The following DAB1 variants were observed in gnomAD, a reference collection of about 807,000 sequenced individuals.
DAB1 encodes DAB adaptor protein 1.
DAB1 carries 15 observed loss-of-function variants against 64.6 expected under a neutral mutation model. The ratio of observed to expected loss-of-function variants is 0.23; its 90% CI spans 0.16 to 0.36. The LOEUF is 0.36. Among genes scored for constraint, DAB1 ranks in the 10% least tolerant of loss-of-function variants. The pLI, the probability that DAB1 is intolerant of heterozygous loss-of-function variation, is 1.00. For synonymous variants in DAB1, 235 were observed against 251.9 expected, an observed-to-expected ratio of 0.93 and a Z score of 0.64; for missense variants, 596 against 706.7, an observed-to-expected ratio of 0.84 and a Z score of 1.78.
At chr1:57,091,194 G>T (rs1424474618) in intron 4 of DAB1, among the ~76,000 whole-genome samples, 1 of 152,080 alleles carries the variant, frequency 6.6e-6, no homozygotes, top group Non-Finnish European at 1.5e-5. Flanking sequence ...TGTTTTCCAT[G>T]AAACTGGTCT....
At chr1:57,967,512 C>T (rs1355307849) in intron 5 of DAB1, among the ~76,000 whole-genome samples, 1 of 152,078 alleles carries the variant, frequency 6.6e-6, no homozygotes, top group Non-Finnish European at 1.5e-5. Flanking sequence ...ACCCTTGTTC[C>T]TACGAAGCTC....
At chr1:57,431,246 G>A (rs1415950227) in intron 7 of DAB1, among the ~76,000 whole-genome samples, 1 of 151,150 alleles carries the variant, frequency 6.6e-6, no homozygotes, top group African/African-American at 2.5e-5. Flanking sequence ...AGAGAAGCAT[G>A]CATGAACAAA....
intron 7 of DAB1, among the ~76,000 whole-genome samples, chr1:57,528,069 G>T (rs116688872): frequency 0.012 from 1,881 of 152,190 alleles, 51 homozygotes; most frequent in African/African-American, 0.04. Flanking sequence ...ACAAAAAAAT[G>T]AGAATTCACA....
intron 4 of DAB1, among the ~76,000 whole-genome samples, chr1:58,201,053 G>C (rs894361085): frequency 6.7e-6 from 1 of 148,474 alleles, no homozygotes; most frequent in Non-Finnish European, 1.5e-5. Flanking sequence ...GTCTCGCTCT[G>C]TCGCCCAGGC....
intron 7 of DAB1, among the ~76,000 whole-genome samples, chr1:57,524,548 A>G (rs1448424924): frequency 6.6e-6 from 1 of 152,174 alleles, no homozygotes; most frequent in Non-Finnish European, 1.5e-5. Context: ...GGGATAGGCG[A>G]TGAAGTTAAG....
At chr1:57,578,686 G>A (rs1645278955) in intron 7 of DAB1, among the ~76,000 whole-genome samples, 1 of 152,168 alleles carries the variant, frequency 6.6e-6, no homozygotes. Flanking sequence ...ATGGGAGGAT[G>A]CATTAGAGAT....
chr1:58,448,634 C>G (rs1375663370), intron 3 of DAB1, among the ~76,000 whole-genome samples: 1 of 152,164 alleles, frequency 6.6e-6, no homozygotes, highest in Non-Finnish European at 1.5e-5. Flanking sequence ...AGGCTAGGAG[C>G]AGCAAGAGCC....
Position 57,975,972 on chromosome 1 carries a change from C to T in DAB1, n.388-91810G>A, listed in dbSNP as rs190386824. Reference sequence around the variant, plus strand: ...CTTCCAAGAACTATAGTGCTGTCAACATCGGAGACTTCTTTGCTCCAGTTG... The same window carrying T: ...CTTCCAAGAACTATAGTGCTGTCAATATCGGAGACTTCTTTGCTCCAGTTG... On this transcript the variant is annotated intron_variant and non_coding_transcript_variant, in intron 5 of 20. Transcript: ENST00000485760. Among the ~76,000 whole-genome samples the T allele has an allele frequency of 7.3e-4, 111 of 152,320 alleles. 1 individual carries two copies. Among genetic ancestry groups the T allele is most frequent in the Non-Finnish European group, 3.5e-4 (24 of 68,024 alleles).
chr1:58,434,591 C>T (rs1234879018), intron 3 of DAB1, among the ~76,000 whole-genome samples: 1 of 152,112 alleles, frequency 6.6e-6, no homozygotes, highest in Non-Finnish European at 1.5e-5. Context: ...AGAAAGAGAT[C>T]TGAGTGGGAG....
At chr1:57,781,170 A>ATG (rs1650080914) in intron 6 of DAB1, among the ~76,000 whole-genome samples, 3 of 74,432 alleles carry the variant, frequency 4.0e-5, no homozygotes, top group African/African-American at 1.6e-4. Context: ...ATATATATAT[A>ATG]TAGTTGCCTA....
At chr1:57,360,574 G>T (rs1358130869) in intron 1 of DAB1, among the ~76,000 whole-genome samples, 3 of 151,796 alleles carry the variant, frequency 2.0e-5, no homozygotes, top group Non-Finnish European at 4.4e-5. Flanking sequence ...ACATGTAAAG[G>T]GTCTCTAGGG....
At chr1:57,857,549 T>A (rs934478231) in intron 1 of DAB1, among the ~76,000 whole-genome samples, 1 of 152,170 alleles carries the variant, frequency 6.6e-6, no homozygotes, top group African/African-American at 2.4e-5. Flanking sequence ...ATGAGACAGG[T>A]ACTATTATTA....
In DAB1 at chr1:58,195,918, T is replaced by A. The variant is rs181983131; in HGVS notation, n.310-45330A>T. Among the ~76,000 whole-genome samples the A allele has an allele frequency of 2.1e-3, 324 of 152,326 alleles. 4 individuals are homozygous for A. The highest frequency in any genetic ancestry group is 7.4e-3 in the African/African-American group (307 of 41,584). On this transcript the variant is annotated intron_variant and non_coding_transcript_variant, in intron 4 of 20. Coordinates refer to the DAB1 transcript ENST00000485760. Reference sequence around the variant, plus strand: ...GTGTTTAGTGACTTTCCCAAGCTCATAAAGCTAGCATGCAGTGAAGTTGAG... The same window carrying A: ...GTGTTTAGTGACTTTCCCAAGCTCAAAAAGCTAGCATGCAGTGAAGTTGAG...
chr1:58,535,081 C>T (rs761170310), intron 1 of DAB1, among the ~76,000 whole-genome samples: 13 of 152,100 alleles, frequency 8.5e-5, no homozygotes, highest in Non-Finnish European at 1.8e-4. Flanking sequence ...ATAGACATTT[C>T]ATTAATTTTA....
chr1:57,958,033 G>A (rs1405444388), intron 5 of DAB1, among the ~76,000 whole-genome samples: 3 of 151,856 alleles, frequency 2.0e-5, no homozygotes, highest in Non-Finnish European at 4.4e-5. Context: ...TGCCCAGGCT[G>A]GAGTGCAGTA....
intron 1 of DAB1, among the ~76,000 whole-genome samples, chr1:58,544,078 GCAAA>G (rs1646664452): frequency 6.6e-6 from 1 of 152,184 alleles, no homozygotes; most frequent in Non-Finnish European, 1.5e-5. Context: ...TAAAGGAGGT[GCAAA>G]CAGTTATGAT....
Position 57,273,945 on chromosome 1 carries a change from C to A in DAB1, c.67+17019G>T, listed in dbSNP as rs1011658911. 2.0e-4 allele frequency among the ~76,000 whole-genome samples: 31 copies of A among 152,164 alleles called. No homozygotes were observed. The Middle Eastern group carries it at 0.01, about 50-fold the overall frequency. On this transcript the variant is annotated intron_variant, in intron 2 of 14. Transcript: ENST00000371236. Reference sequence around the variant, plus strand: ...TACACATAGGCCTTCCAGATGCAAACCTCACCCTATTAATTTTCCTCACTG... The same window carrying A: ...TACACATAGGCCTTCCAGATGCAAAACTCACCCTATTAATTTTCCTCACTG...
intron 6 of DAB1, among the ~76,000 whole-genome samples, chr1:57,672,974 T>C (rs1366660885): frequency 6.6e-6 from 1 of 152,184 alleles, no homozygotes; most frequent in Non-Finnish European, 1.5e-5. Flanking sequence ...TAGTGACTCA[T>C]CTTTTGGTGA....
intron 3 of DAB1, among the ~76,000 whole-genome samples, chr1:58,410,465 G>C (rs558999285): frequency 2.0e-5 from 3 of 152,130 alleles, no homozygotes; most frequent in Non-Finnish European, 4.4e-5. Context: ...GAGCTGAACC[G>C]ATGACTTCTA....
Sources: allele counts gnomAD v4.1 joint callset (sites outside exome capture counted in the v4.1 genomes callset), GRCh38; gene constraint gnomAD v4.1.1; transcripts MANE v1.5; gene names NCBI Gene and HGNC (gene_info 2026-07-23, HGNC 2026-07-21).